The following AFG2A variants were observed in gnomAD, a reference collection of about 807,000 sequenced individuals.
AFG2A encodes AAA ATPase AFG2A.
chr4:123,133,652 C>T, the AFG2A span, among the ~76,000 whole-genome samples: 102,586 of 152,018 alleles, frequency 0.67, 37,627 homozygotes, highest in East Asian at 0.97. Context: ...GTTTTTACTT[C>T]TTTGGGTAAC....
the AFG2A span, among the ~76,000 whole-genome samples, chr4:122,946,142 A>G: frequency 6.6e-6 from 1 of 152,246 alleles, no homozygotes; most frequent in Non-Finnish European, 1.5e-5. Flanking sequence ...CATTTACAGT[A>G]AGAGATGTGA....
the AFG2A span, among the ~76,000 whole-genome samples, chr4:123,007,301 A>C: frequency 6.6e-5 from 10 of 151,786 alleles, no homozygotes; most frequent in African/African-American, 2.4e-4. Context: ...CACTCTGGCT[A>C]TTCGGAGGAG....
the AFG2A span, among the ~76,000 whole-genome samples, chr4:123,063,420 T>A: frequency 6.6e-6 from 1 of 152,146 alleles, no homozygotes; most frequent in Admixed American, 6.5e-5. Context: ...GATCAAATCA[T>A]ATAATTAGTC....
the AFG2A span, among the ~76,000 whole-genome samples, chr4:123,295,712 G>A: frequency 6.6e-6 from 1 of 152,194 alleles, no homozygotes; most frequent in Non-Finnish European, 1.5e-5. Context: ...TACCAAACAT[G>A]GTGAAAACCT....
chr4:123,074,894 A>G, the AFG2A span, among the ~76,000 whole-genome samples: 49 of 152,264 alleles, frequency 3.2e-4, no homozygotes, highest in Non-Finnish European at 6.0e-4. Context: ...AGAGATGTCT[A>G]TGCTTTTGTT....
At chr4:122,923,452 T>A in the AFG2A span, 2 of 1,072,156 alleles carry the variant, frequency 1.9e-6, no homozygotes, top group East Asian at 5.0e-5. Context: ...GTAAGACTTC[T>A]GTATGTAAGA....
At chr4:123,204,955 A>G in the AFG2A span, among the ~76,000 whole-genome samples, 1 of 152,210 alleles carries the variant, frequency 6.6e-6, no homozygotes, top group Admixed American at 6.5e-5. Flanking sequence ...CAATCACTAT[A>G]AATCAGTGCT....
chr4:123,191,531 G>A, the AFG2A span, among the ~76,000 whole-genome samples: 3 of 152,048 alleles, frequency 2.0e-5, no homozygotes, highest in African/African-American at 7.2e-5. Context: ...AAATTCTTGT[G>A]ACTATACATA....
chr4:123,115,429 T>A, the AFG2A span, among the ~76,000 whole-genome samples: 1 of 151,868 alleles, frequency 6.6e-6, no homozygotes, highest in Non-Finnish European at 1.5e-5. Context: ...GCTTGCCAGG[T>A]CTGGGAAGCG....
At chr4:123,197,217 T>G in the AFG2A span, among the ~76,000 whole-genome samples, 22 of 152,350 alleles carry the variant, frequency 1.4e-4, no homozygotes, top group East Asian at 3.5e-3. Flanking sequence ...GACATTAGTC[T>G]TCTTATTATA....
chr4:123,089,479 T>C, the AFG2A span, among the ~76,000 whole-genome samples: 2 of 152,224 alleles, frequency 1.3e-5, no homozygotes, highest in East Asian at 3.8e-4. Context: ...CAATTCCAAA[T>C]AGGTCTTGGA....
the AFG2A span, among the ~76,000 whole-genome samples, chr4:123,233,640 T>A: frequency 1.3e-5 from 2 of 152,070 alleles, no homozygotes; most frequent in Non-Finnish European, 2.9e-5. Flanking sequence ...TCCCTGTTGC[T>A]GGAAAGGAAG....
chr4:123,048,609 TTTTG>T, the AFG2A span, among the ~76,000 whole-genome samples: 12 of 152,214 alleles, frequency 7.9e-5, no homozygotes, highest in Non-Finnish European at 1.3e-4. Flanking sequence ...ATTCCTAGGT[TTTTG>T]TTTGTTTGTT....
the AFG2A span, among the ~76,000 whole-genome samples, chr4:123,108,294 A>G: frequency 6.6e-6 from 1 of 152,180 alleles, no homozygotes; most frequent in South Asian, 2.1e-4. Flanking sequence ...TCTTTTAGAG[A>G]ATTTATTCAG....
At chr4:123,088,397 C>T in the AFG2A span, among the ~76,000 whole-genome samples, 3 of 152,192 alleles carry the variant, frequency 2.0e-5, no homozygotes, top group African/African-American at 7.2e-5. Context: ...AATTTATTGG[C>T]AGCCTGAAAT....
At chr4:123,159,599 G>A in the AFG2A span, among the ~76,000 whole-genome samples, 1 of 152,184 alleles carries the variant, frequency 6.6e-6, no homozygotes, top group East Asian at 1.9e-4. Context: ...TTTCTAAAGG[G>A]GAAGAAGCAG....
At chr4:123,313,921 G>C in the AFG2A span, 1 of 1,608,852 alleles carries the variant, frequency 6.2e-7, no homozygotes, top group Non-Finnish European at 8.5e-7. Flanking sequence ...AGCTCTTCTG[G>C]CTCTGGAAGA....
the AFG2A span, among the ~76,000 whole-genome samples, chr4:123,208,833 T>G: frequency 6.6e-6 from 1 of 152,218 alleles, no homozygotes; most frequent in Non-Finnish European, 1.5e-5. Flanking sequence ...ATATTTTGTC[T>G]TCCAGCTCTG....
At chr4:123,191,361 CTT>C in the AFG2A span, among the ~76,000 whole-genome samples, 133 of 142,780 alleles carry the variant, frequency 9.3e-4, 1 homozygote, top group Non-Finnish European at 8.0e-4. Context: ...ACTCTGGACT[CTT>C]TTTTTTTTTT....
Sources: allele counts gnomAD v4.1 joint callset (sites outside exome capture counted in the v4.1 genomes callset), GRCh38; gene constraint gnomAD v4.1.1; transcripts MANE v1.5; gene names NCBI Gene and HGNC (gene_info 2026-07-23, HGNC 2026-07-21).